The following ST3GAL4 variants were observed in gnomAD, a reference collection of about 807,000 sequenced individuals.
The protein encoded by ST3GAL4 is ST3 beta-galactoside alpha-2,3-sialyltransferase 4.
In ST3GAL4, 24 loss-of-function variants were observed where a neutral mutation model predicts 42.6. The ratio of observed to expected loss-of-function variants is 0.56; its 90% CI spans 0.41 to 0.79. The LOEUF (loss-of-function observed/expected upper bound fraction) is 0.79. Ranked by LOEUF, ST3GAL4 falls within the 30% of genes least tolerant of loss-of-function variation. The pLI is 0.00. For missense variants in ST3GAL4, 311 were observed against 430.8 expected, an observed-to-expected ratio of 0.72 and a Z score of 2.46; for synonymous variants, 135 against 163.2, an observed-to-expected ratio of 0.83 and a Z score of 1.32.
intron 1 of ST3GAL4, chr11:126,403,521 A>G (rs1483374438): frequency 1.1e-6 from 1 of 884,140 alleles, no homozygotes; most frequent in Non-Finnish European, 1.4e-6. Context: ...TTCCCTATTC[A>G]TGCCTGGGCC....
rs975440827 is a variant in ST3GAL4 at position 126,386,900 on chromosome 11, C to T, written c.-60-19196C>T. Among the ~76,000 whole-genome samples, 2 of 152,116 alleles carry T rather than the reference C, an allele frequency of 1.3e-5. No homozygotes were observed. The highest frequency in any genetic ancestry group is 4.8e-5 in the African/African-American group (2 of 41,416). On this transcript the variant is annotated intron_variant, in intron 1 of 10. Coordinates refer to ENST00000444328, the MANE Select transcript of ST3GAL4 (RefSeq NM_001254757.2). The surrounding 1 kb of genome is among the most constrained non-coding windows in gnomAD (Gnocchi z 4.7). ...TAAATTAGGAACGGTAACACACACACCCCTCCCCCACCCCGCTGGAGAAGC... is the reference window on the plus strand; with the variant it reads ...TAAATTAGGAACGGTAACACACACATCCCTCCCCCACCCCGCTGGAGAAGC...
chr11:126,389,379 AC>A (rs1953380448), intron 1 of ST3GAL4, among the ~76,000 whole-genome samples: 1 of 152,182 alleles, frequency 6.6e-6, no homozygotes, highest in African/African-American at 2.4e-5. Flanking sequence ...AGAACCAAAG[AC>A]ATGCCCCTGT....
At chr11:126,362,565 A>G (rs1174260303) in intron 1 of ST3GAL4, among the ~76,000 whole-genome samples, 1 of 152,188 alleles carries the variant, frequency 6.6e-6, no homozygotes, top group Admixed American at 6.5e-5. Flanking sequence ...CCAGCACTCT[A>G]TAAATGCTGG....
intron 1 of ST3GAL4, among the ~76,000 whole-genome samples, chr11:126,369,794 T>C (rs1209519493): frequency 6.6e-6 from 1 of 152,218 alleles, no homozygotes; most frequent in African/African-American, 2.4e-5. Context: ...AAAGTCACTC[T>C]CCCACCCGCC....
chr11:126,399,450 G>A (rs1358253539), intron 1 of ST3GAL4, among the ~76,000 whole-genome samples: 3 of 151,590 alleles, frequency 2.0e-5, no homozygotes, highest in African/African-American at 7.3e-5. Flanking sequence ...GATTTCAGGT[G>A]TGTGCCACCA....
chr11:126,385,744 G>A (rs1953201250), intron 1 of ST3GAL4, among the ~76,000 whole-genome samples: 1 of 152,020 alleles, frequency 6.6e-6, no homozygotes, highest in African/African-American at 2.4e-5. Context: ...GGGCGTGGTG[G>A]CTCACGCCTG....
chr11:126,377,479 C>CTTTTTTTT (rs59029262), intron 1 of ST3GAL4, among the ~76,000 whole-genome samples: 2 of 117,652 alleles, frequency 1.7e-5, no homozygotes, highest in African/African-American at 6.5e-5. Flanking sequence ...CCAACACCTT[C>CTTTTTTTT]TTTTTTTTTT....
chr11:126,374,026 GC>G (rs930125955), intron 1 of ST3GAL4, among the ~76,000 whole-genome samples: 3 of 152,068 alleles, frequency 2.0e-5, no homozygotes, highest in African/African-American at 7.2e-5. Flanking sequence ...CCTGCTGGGT[GC>G]CGGGCACTAT....
At chr11:126,365,360 G>T (rs1169650675) in intron 1 of ST3GAL4, among the ~76,000 whole-genome samples, 1 of 152,120 alleles carries the variant, frequency 6.6e-6, no homozygotes, top group East Asian at 1.9e-4. Flanking sequence ...AGGAGGAGGC[G>T]CTGGCCAGGA....
In ST3GAL4 at chr11:126,386,300, T is replaced by C. The variant is rs2135461734; in HGVS notation, c.-60-19796T>C. ...TGTGTCTGTGCCCCCCAAGGATGAA[T>C]GCCATGAGTCCAGCATGTCACCCTG... On this transcript the variant is annotated intron_variant, in intron 1 of 10. Coordinates refer to ENST00000444328, the MANE Select transcript of ST3GAL4 (RefSeq NM_001254757.2). The surrounding 1 kb of genome is among the most constrained non-coding windows in gnomAD (Gnocchi z 4.7). 6.6e-6 allele frequency among the ~76,000 whole-genome samples: 1 copy of C among 152,190 alleles called. No homozygotes were observed. The highest frequency in any genetic ancestry group is 2.1e-4 in the South Asian group (1 of 4,814).
chr11:126,409,383 C>T lies in ST3GAL4; in HGVS notation c.743C>T (p.Pro248Leu), dbSNP rs770982195. Reference sequence around the variant, plus strand: ...GCAGCTGACAAACTGCTGAGCCTGCCAATGCAACAGCCACGGAAGATTAAG... The same window carrying T: ...GCAGCTGACAAACTGCTGAGCCTGCTAATGCAACAGCCACGGAAGATTAAG... Reference protein sequence around the residue: ...EIAADKLLSLPMQQPRKIKQK... With the variant: ...EIAADKLLSLLMQQPRKIKQK... Residue 248 changes from proline (P) to leucine (L), a missense_variant, in exon 9 of 11, where the codon CCA becomes CTA. By Grantham distance (98) the Pro-to-Leu change is moderately conservative. Coordinates refer to ENST00000444328, the MANE Select transcript of ST3GAL4 (RefSeq NM_001254757.2). This position sits in a 1 kb window ranked among gnomAD's most constrained non-coding sequence, Gnocchi z 4.9. 6.2e-7 allele frequency: 1 copy of T among 1,614,220 alleles called. No homozygotes were observed. Among genetic ancestry groups the T allele is most frequent in the East Asian group, 2.2e-5 (1 of 44,882 alleles).
intron 9 of ST3GAL4, among the ~76,000 whole-genome samples, chr11:126,412,657 C>T (rs1037263679): frequency 3.9e-5 from 6 of 152,144 alleles, no homozygotes; most frequent in African/African-American, 4.8e-5. Flanking sequence ...GCCTGGGCAA[C>T]GTGGTGAAAC....
chr11:126,391,771 G>T lies in ST3GAL4; in HGVS notation c.-60-14325G>T, dbSNP rs184750913. ...TCTCTCTTTGTTGGGCTGGGCCAGCGCTTGAATTGAGAGGGGCTGCCATGT... is the reference window on the plus strand; with the variant it reads ...TCTCTCTTTGTTGGGCTGGGCCAGCTCTTGAATTGAGAGGGGCTGCCATGT... On this transcript the variant is annotated intron_variant, in intron 1 of 10. Transcript: ENST00000444328. The surrounding 1 kb of genome is among the most constrained non-coding windows in gnomAD (Gnocchi z 5.5). Among the ~76,000 whole-genome samples the T allele has an allele frequency of 1.3e-5, 2 of 152,250 alleles. No homozygotes were observed. Among genetic ancestry groups the T allele is most frequent in the East Asian group, 3.9e-4 (2 of 5,176 alleles).
At chr11:126,390,637 T>TTTA (rs59700635) in intron 1 of ST3GAL4, among the ~76,000 whole-genome samples, 1 of 133,758 alleles carries the variant, frequency 7.5e-6, no homozygotes, top group South Asian at 2.4e-4. Context: ...TTTTTTTTTT[T>TTTA]ATTTCTTTGA....
chr11:126,403,331 G>GCGCTGCTCACCTCTGA lies in ST3GAL4; in HGVS notation c.-60-2745_-60-2730dup, dbSNP rs542392732. On this transcript the variant is annotated intron_variant, in intron 1 of 10. Transcript: ENST00000444328. The stretch of plus-strand genomic sequence containing the variant: ...TTGTCTTGTTGTTCAAGACTGGTTA[G>GCGCTGCTCACCTCTGA]CGCTGCTCACCTCTGACGCTGCTCA... The GCGCTGCTCACCTCTGA allele has an allele frequency of 7.0e-3, 6,769 of 961,310 alleles. 38 individuals carry two copies. The highest frequency in any genetic ancestry group is 7.8e-3 in the Non-Finnish European group (6,340 of 807,866). The allele number at this position is 961,310 out of a possible 1,614,324, so 59.5% of individuals were successfully genotyped here.
chr11:126,370,593 C>G (rs1489066294), intron 1 of ST3GAL4, among the ~76,000 whole-genome samples: 1 of 151,868 alleles, frequency 6.6e-6, no homozygotes, highest in Admixed American at 6.6e-5. Flanking sequence ...CTCACTTGCT[C>G]TCTGTATCTC....
rs543188637 is a variant in ST3GAL4 at position 126,378,289 on chromosome 11, C to T, written c.-61+22447C>T. ...GTGATACGAATGTCATGGTTATTCT[C>T]CGTCACATCTGCGTCTGCACAGCGC... On this transcript the variant is annotated intron_variant, in intron 1 of 10. Transcript: ENST00000444328. This position sits in a 1 kb window ranked among gnomAD's most constrained non-coding sequence, Gnocchi z 5.3. Among the ~76,000 whole-genome samples the T allele has an allele frequency of 6.6e-6, 1 of 152,230 alleles. No homozygotes were observed. The highest frequency in any genetic ancestry group is 2.4e-5 in the African/African-American group (1 of 41,478).
intron 1 of ST3GAL4, chr11:126,403,619 C>A: frequency 5.0e-6 from 1 of 200,034 alleles, no homozygotes; most frequent in Non-Finnish European, 9.0e-6. Flanking sequence ...ATTGTGCAGC[C>A]AATGCTGTGA....
Position 126,407,494 on chromosome 11 carries a change from T to C in ST3GAL4, c.281-80T>C, listed in dbSNP as rs1259876155. On this transcript the variant is annotated intron_variant, in intron 5 of 10. Coordinates refer to ENST00000444328, the MANE Select transcript of ST3GAL4 (RefSeq NM_001254757.2). Reference sequence around the variant, plus strand: ...GGGAAGAAGAAGGCAGCCAGCGCTCTGAGGAGCAGTGGAGGGAGGGCAGGC... The same window carrying C: ...GGGAAGAAGAAGGCAGCCAGCGCTCCGAGGAGCAGTGGAGGGAGGGCAGGC... 2.5e-5 allele frequency: 40 copies of C among 1,577,288 alleles called. No individual in the cohort carries two copies. In the East Asian group the frequency reaches 8.7e-4, roughly 34 times the overall value.
Sources: gnomAD v4.1 joint callset for allele counts (sites outside exome capture counted in the v4.1 genomes callset) on GRCh38, gnomAD v4.1.1 for gene constraint, Gnocchi (gnomAD v3.1) non-coding constraint, MANE v1.5 for transcripts, NCBI Gene and HGNC (gene_info 2026-07-23, HGNC 2026-07-21) for gene names.